The following SNX29 variants were observed in gnomAD, a reference collection of about 807,000 sequenced individuals.
SNX29 encodes sorting nexin-29.
In SNX29, 78 loss-of-function variants were observed where a neutral mutation model predicts 102.1. The ratio of observed to expected loss-of-function variants is 0.76; its 90% CI spans 0.64 to 0.92. The LOEUF is 0.92. Ranked by LOEUF, SNX29 falls within the 40% of genes least tolerant of loss-of-function variation. SNX29 has a pLI of 0.00. For synonymous variants in SNX29, 580 were observed against 414.5 expected, an observed-to-expected ratio of 1.40 and a Z score of -4.85; for missense variants, 1,280 against 1,061.7, an observed-to-expected ratio of 1.21 and a Z score of -2.86.
At chr16:11,988,216 C>G (rs2055706756) in intron 1 of SNX29, among the ~76,000 whole-genome samples, 1 of 151,430 alleles carries the variant, frequency 6.6e-6, no homozygotes, top group African/African-American at 2.4e-5. Flanking sequence ...ATCACTTGAA[C>G]CCGGGAGGCA....
At chr16:12,508,970 G>A (rs1460030514) in intron 19 of SNX29, among the ~76,000 whole-genome samples, 1 of 152,244 alleles carries the variant, frequency 6.6e-6, no homozygotes, top group East Asian at 1.9e-4. Flanking sequence ...GTTCAGGTTG[G>A]AGATAGTGTC....
intron 15 of SNX29, among the ~76,000 whole-genome samples, chr16:12,287,753 C>T (rs550891359): frequency 6.6e-6 from 1 of 152,200 alleles, no homozygotes; most frequent in Non-Finnish European, 1.5e-5. Flanking sequence ...GTCCCCACCT[C>T]GTGATTGGTG....
chr16:12,553,425 C>G (rs533489614), intron 20 of SNX29, among the ~76,000 whole-genome samples: 74 of 152,300 alleles, frequency 4.9e-4, no homozygotes, highest in South Asian at 2.3e-3. Flanking sequence ...CCAGGTCTGA[C>G]ACACTCCAAC....
intron 20 of SNX29, among the ~76,000 whole-genome samples, chr16:12,566,443 G>C (rs537678280): frequency 4.6e-5 from 7 of 152,058 alleles, no homozygotes; most frequent in Admixed American, 2.0e-4. Flanking sequence ...CCAAGCTCTG[G>C]TCATTGCAGG....
intron 4 of SNX29, among the ~76,000 whole-genome samples, chr16:12,028,174 G>C (rs1005444946): frequency 6.6e-6 from 1 of 152,162 alleles, no homozygotes; most frequent in African/African-American, 2.4e-5. Context: ...CACTATGTCA[G>C]TGTCGTTGCT....
At chr16:12,556,938 T>C (rs923723266) in intron 20 of SNX29, among the ~76,000 whole-genome samples, 5 of 26,886 alleles carry the variant, frequency 1.9e-4, no homozygotes, top group African/African-American at 9.2e-4. Context: ...CTACAGCCTC[T>C]GCCGCTCAGG....
intron 11 of SNX29, among the ~76,000 whole-genome samples, chr16:12,125,157 A>C (rs958888788): frequency 1.7e-4 from 26 of 152,158 alleles, no homozygotes. Flanking sequence ...TTTACTGCCC[A>C]AAAAGAGTCA....
intron 10 of SNX29, among the ~76,000 whole-genome samples, chr16:12,078,000 G>A (rs2051667803): frequency 6.6e-6 from 1 of 152,114 alleles, no homozygotes; most frequent in African/African-American, 2.4e-5. Flanking sequence ...CTTGTTTAAT[G>A]TATGCAGTTG....
chr16:12,377,060 A>G (rs1290376953), intron 16 of SNX29, among the ~76,000 whole-genome samples: 2 of 152,134 alleles, frequency 1.3e-5, no homozygotes, highest in African/African-American at 4.8e-5. Flanking sequence ...GCTGGGGTGA[A>G]GACGGGGATC....
chr16:12,371,502 C>A (rs1406896758), intron 16 of SNX29, among the ~76,000 whole-genome samples: 5 of 152,172 alleles, frequency 3.3e-5, no homozygotes, highest in African/African-American at 4.8e-5. Flanking sequence ...GAGACAGGGT[C>A]TTTCTATGTT....
At chr16:12,095,296 T>C (rs1329614385) in intron 11 of SNX29, 1 of 152,216 alleles carries the variant, frequency 6.6e-6, no homozygotes, top group African/African-American at 2.4e-5. Context: ...ATTTGGGAGC[T>C]GGAGGTTGCA....
At chr16:12,399,944 C>T (rs775832543) in intron 17 of SNX29, among the ~76,000 whole-genome samples, 8 of 152,036 alleles carry the variant, frequency 5.3e-5, no homozygotes, top group African/African-American at 1.2e-4. Flanking sequence ...GTCCCAGACA[C>T]GAGGCTGGAA....
intron 20 of SNX29, among the ~76,000 whole-genome samples, chr16:12,547,443 G>A (rs1427968265): frequency 1.3e-5 from 2 of 152,136 alleles, no homozygotes; most frequent in African/African-American, 2.4e-5. Context: ...GAGAGGGGAT[G>A]GTGCCTCAGG....
intron 13 of SNX29, among the ~76,000 whole-genome samples, chr16:12,171,709 C>T (rs530220452): frequency 3.9e-5 from 6 of 152,224 alleles, no homozygotes; most frequent in South Asian, 2.1e-4. Context: ...TTCTCCTGAC[C>T]GAAAGGATAG....
intron 14 of SNX29, among the ~76,000 whole-genome samples, chr16:12,215,914 C>T (rs2077311697): frequency 6.6e-6 from 1 of 152,194 alleles, no homozygotes; most frequent in Admixed American, 6.5e-5. Context: ...CAGGGGTCCT[C>T]CTGCTGGCCC....
rs141249525 is a variant in SNX29 at position 12,568,966 on chromosome 16, G to C, written c.*337G>C. On this transcript the variant is annotated 3_prime_UTR_variant, in exon 21 of 21. Transcript: ENST00000566228. ...GTGGGCACCAGGTCAGGCTGGGTGC[G>C]CCATGGTTGAGAGGCAAAGGTGATC... 3.4e-4 allele frequency: 125 copies of C among 364,300 alleles called. 2 individuals carry two copies. Among genetic ancestry groups the C allele is most frequent in the African/African-American group, 2.0e-3 (99 of 48,862 alleles). 22.6% of individuals were successfully genotyped at this position (364,300 alleles called of 1,614,324 possible).
Position 12,078,901 on chromosome 16 carries a change from A to C in SNX29, c.1388A>C (p.Glu463Ala), listed in dbSNP as rs1476292105. ...SSLLPSASVP[E>A]SMTISELRQA... ...CTGTTACCTTCTGCCTCAGTGCCAG[A>C]GTCCATGACAATTAGTAAGTACTTT... The change falls in exon 11 of 21, where the codon GAG (glutamate) becomes GCG (alanine). Residue 463 changes from glutamate to alanine, a missense_variant. Transcript: ENST00000566228. 6.2e-7 allele frequency: 1 copy of C among 1,603,664 alleles called. No homozygotes were observed. Among genetic ancestry groups the C allele is most frequent in the African/African-American group, 1.3e-5 (1 of 74,770 alleles).
At position 12,571,572 on chromosome 16, in the gene SNX29, C is replaced by T. The variant is rs2079188547; in HGVS notation, c.*2943C>T. ...AAGAATCCACACCGAATCCTTCTGTCTTCATGGCCTGCTGTGCTGAAACAG... is the reference window on the plus strand; with the variant it reads ...AAGAATCCACACCGAATCCTTCTGTTTTCATGGCCTGCTGTGCTGAAACAG... On this transcript the variant is annotated 3_prime_UTR_variant, in exon 21 of 21. Coordinates refer to ENST00000566228, the MANE Select transcript of SNX29 (RefSeq NM_032167.5). The T allele has an allele frequency of 2.9e-6, 3 of 1,035,042 alleles. No homozygotes were observed. Among genetic ancestry groups the T allele is most frequent in the Non-Finnish European group, 3.5e-6 (3 of 852,422 alleles). The allele number at this position is 1,035,042 out of a possible 1,614,324, so 64.1% of individuals were successfully genotyped here.
chr16:12,044,731 A>G (rs1370686561), intron 5 of SNX29, among the ~76,000 whole-genome samples: 2 of 152,072 alleles, frequency 1.3e-5, no homozygotes, highest in Non-Finnish European at 2.9e-5. Flanking sequence ...AGCGCCTGCC[A>G]CCATGCCTGG....
Sources: allele counts gnomAD v4.1 joint callset (sites outside exome capture counted in the v4.1 genomes callset), GRCh38; gene constraint gnomAD v4.1.1; transcripts MANE v1.5; gene names NCBI Gene and HGNC (gene_info 2026-07-23, HGNC 2026-07-21).